The following ZC3H6 variants were observed in gnomAD, a reference collection of about 807,000 sequenced individuals.
ZC3H6 encodes the protein zinc finger CCCH-type containing 6.
ZC3H6 carries 40 observed loss-of-function variants against 107.7 expected under a neutral mutation model. The ratio of observed to expected loss-of-function variants is 0.37; its 90% CI spans 0.29 to 0.48. The LOEUF is 0.48. Ranked by LOEUF, ZC3H6 falls within the 20% of genes least tolerant of loss-of-function variation. The pLI is 0.98. For synonymous variants in ZC3H6, 493 were observed against 487.9 expected, an observed-to-expected ratio of 1.01 and a Z score of -0.14; for missense variants, 1,267 against 1,410.4, an observed-to-expected ratio of 0.90 and a Z score of 1.63.
chr2:112,291,138 C>A (rs188751901), intron 1 of ZC3H6, among the ~76,000 whole-genome samples: 17 of 152,222 alleles, frequency 1.1e-4, no homozygotes, highest in African/African-American at 3.6e-4. Context: ...TTCTGGCATA[C>A]CCTGTGTAAG....
At chr2:112,282,134 G>T (rs992110198) in intron 1 of ZC3H6, among the ~76,000 whole-genome samples, 1 of 152,182 alleles carries the variant, frequency 6.6e-6, no homozygotes, top group Non-Finnish European at 1.5e-5. Context: ...TTATTTAGGA[G>T]ATCTGCCTCA....
At chr2:112,329,362 G>C (rs1373951266) in intron 11 of ZC3H6, among the ~76,000 whole-genome samples, 1 of 152,118 alleles carries the variant, frequency 6.6e-6, no homozygotes, top group Non-Finnish European at 1.5e-5. Flanking sequence ...AGAAAGTAAG[G>C]ATAGAAGTAA....
At chr2:112,288,992 A>AC (rs1002611527) in intron 1 of ZC3H6, among the ~76,000 whole-genome samples, 14 of 126,902 alleles carry the variant, frequency 1.1e-4, no homozygotes, top group South Asian at 7.7e-4. Flanking sequence ...CTCACTGCCC[A>AC]CCCCCCCGCC....
intron 1 of ZC3H6, among the ~76,000 whole-genome samples, chr2:112,276,662 A>G (rs937113718): frequency 2.6e-5 from 4 of 152,082 alleles, no homozygotes; most frequent in South Asian, 2.1e-4. Flanking sequence ...GGCTAGCCCA[A>G]TTTTCTAGAT....
At chr2:112,327,702 G>C (rs1001856278) in intron 11 of ZC3H6, among the ~76,000 whole-genome samples, 5 of 152,074 alleles carry the variant, frequency 3.3e-5, no homozygotes, top group Non-Finnish European at 5.9e-5. Flanking sequence ...TGAGAGATAG[G>C]GGTCTAGTTT....
chr2:112,303,054 C>T (rs1016496723), intron 2 of ZC3H6, among the ~76,000 whole-genome samples, 175 bp from the exon 3 acceptor site: 7 of 151,944 alleles, frequency 4.6e-5, no homozygotes, highest in Non-Finnish European at 7.4e-5. Context: ...AAAACCTCAG[C>T]GAAGTTGGAA....
At position 112,332,130 on chromosome 2, in the gene ZC3H6, C is replaced by CA. The variant is rs1553496616; in HGVS notation, c.3215dup (p.Asn1073GlufsTer11). 2.5e-6 allele frequency: 4 copies of CA among 1,613,900 alleles called. No individual in the cohort carries two copies. The highest frequency in any genetic ancestry group is 1.7e-5 in the Admixed American group (1 of 60,000). On this transcript the variant is annotated frameshift_variant, in exon 12 of 12. Transcript: ENST00000409871. LOFTEE classifies it high-confidence loss of function. ...GCAACAGCTTCTTCAGGAGAAAACTCAAAGAACCAGAAAAAAAGTGGTGGC... is the reference window on the plus strand; with the variant it reads ...GCAACAGCTTCTTCAGGAGAAAACTCAAAAGAACCAGAAAAAAAGTGGTGGC...
Position 112,317,211 on chromosome 2 carries a change from T to TTTTTTTTG in ZC3H6, c.865-9_865-8insTTTTTTGT. 1.4e-6 allele frequency: 2 copies of TTTTTTTTG among 1,395,396 alleles called. No individual in the cohort carries two copies. Among genetic ancestry groups the TTTTTTTTG allele is most frequent in the Non-Finnish European group, 1.9e-6 (2 of 1,050,902 alleles). 86.4% of individuals were successfully genotyped at this position (1,395,396 alleles called of 1,614,324 possible). A position where few individuals can be genotyped will look rare whatever the true frequency, so the allele number is the denominator to read the frequency against. ...TTTTTCTTTTTTCTTTTTTTTTTTT[T>TTTTTTTTG]TGTGAATAGGGAGATCAGTGTAAAT... On this transcript the variant is annotated splice_polypyrimidine_tract_variant and intron_variant, in intron 6 of 11. Transcript: ENST00000409871.
chr2:112,324,685 A>G, intron 10 of ZC3H6, 22 bp downstream of exon 10: 1 of 1,532,936 alleles, frequency 6.5e-7, no homozygotes, highest in Non-Finnish European at 8.8e-7. Context: ...TTTTTGAAAT[A>G]ATTTATTCCT....
Position 112,292,546 on chromosome 2 carries a change from G to A in ZC3H6, c.33-7303G>A, listed in dbSNP as rs568006333. 2.0e-5 allele frequency among the ~76,000 whole-genome samples: 3 copies of A among 152,324 alleles called. No homozygotes were observed. In the East Asian group the frequency reaches 5.8e-4, roughly 29 times the overall value. The stretch of plus-strand genomic sequence containing the variant: ...ACCAAAGATTTCCTTATTTTGACCA[G>A]GAGGTCAGATCTCAAGGGTCCTTCT... On this transcript the variant is annotated intron_variant, in intron 1 of 11. Coordinates refer to ENST00000409871, the MANE Select transcript of ZC3H6 (RefSeq NM_198581.3).
intron 11 of ZC3H6, among the ~76,000 whole-genome samples, chr2:112,327,292 A>G (rs187327206): frequency 6.6e-6 from 1 of 152,144 alleles, no homozygotes; most frequent in South Asian, 2.1e-4. Context: ...GCACCTTTTC[A>G]TATCCCTGTG....
chr2:112,305,668 A>G (rs2104709174), intron 3 of ZC3H6, among the ~76,000 whole-genome samples: 1 of 152,290 alleles, frequency 6.6e-6, no homozygotes, highest in Non-Finnish European at 1.5e-5. Flanking sequence ...TTTTAGCCAG[A>G]CGCACTGCAT....
intron 3 of ZC3H6, among the ~76,000 whole-genome samples, chr2:112,306,451 G>A (rs1170348167): frequency 4.6e-5 from 7 of 152,126 alleles, no homozygotes; most frequent in African/African-American, 7.2e-5. Context: ...GGGATTATAG[G>A]CGTGAGCCAC....
At chr2:112,297,506 TA>T (rs1476800257) in intron 1 of ZC3H6, among the ~76,000 whole-genome samples, 1 of 152,254 alleles carries the variant, frequency 6.6e-6, no homozygotes, top group Non-Finnish European at 1.5e-5. Flanking sequence ...GATTAAATGT[TA>T]AAATTGTTTT....
At position 112,331,432 on chromosome 2, in the gene ZC3H6, A is replaced by T. The variant is rs775568748; in HGVS notation, c.2514A>T (p.Leu838Phe). The change falls in exon 12 of 12, where the codon TTA becomes TTT. Residue 838 changes from leucine to phenylalanine, a missense_variant. Physicochemically the swap from Leu to Phe is conservative, Grantham distance 22. Coordinates refer to ENST00000409871, the MANE Select transcript of ZC3H6 (RefSeq NM_198581.3). ...TERELREKAF[L>F]IPLDASPGIM... ...GAGAACTGAGAGAAAAAGCTTTCTT[A>T]ATACCTTTGGATGCCTCACCTGGCA... is the stretch of plus-strand genomic sequence containing the variant. The T allele has an allele frequency of 6.2e-7, 1 of 1,613,922 alleles. No individual in the cohort carries two copies. Among genetic ancestry groups the T allele is most frequent in the South Asian group, 1.1e-5 (1 of 91,068 alleles).
At chr2:112,316,772 C>T (rs1676705818) in intron 6 of ZC3H6, among the ~76,000 whole-genome samples, 186 bp downstream of exon 6, 1 of 152,098 alleles carries the variant, frequency 6.6e-6, no homozygotes, top group Non-Finnish European at 1.5e-5. Context: ...GGGACAATAA[C>T]ATAATTTGTT....
chr2:112,336,870 C>T lies in ZC3H6; in HGVS notation c.*4382C>T, dbSNP rs1051787603. On this transcript the variant is annotated 3_prime_UTR_variant, in exon 12 of 12. Transcript: ENST00000409871. ...TTTATGCTTTTGGAGACAGGACCCA[C>T]ATGTATCTCCTTATTTTTATACTTG... is the stretch of plus-strand genomic sequence containing the variant. The T allele has an allele frequency of 6.6e-6, 1 of 152,150 alleles. No homozygotes were observed. Among genetic ancestry groups the T allele is most frequent in the Non-Finnish European group, 1.5e-5 (1 of 68,030 alleles). The allele number at this position is 152,150 out of a possible 1,614,324, so 9.4% of individuals were successfully genotyped here.
rs142572879 is a variant in ZC3H6 at position 112,307,615 on chromosome 2, C to T, written c.337-2270C>T. On this transcript the variant is annotated intron_variant, in intron 3 of 11. Transcript: ENST00000409871. ...GAATATATGAACCACTCTAGAAAAGCGGGGCTGCTCTGTCACCCTTCATTC... is the reference window on the plus strand; with the variant it reads ...GAATATATGAACCACTCTAGAAAAGTGGGGCTGCTCTGTCACCCTTCATTC... Among the ~76,000 whole-genome samples the T allele has an allele frequency of 1.4e-3, 206 of 152,172 alleles. 1 individual carries two copies. Among genetic ancestry groups the T allele is most frequent in the South Asian group, 3.7e-3 (18 of 4,818 alleles).
In ZC3H6 at chr2:112,316,606, A is replaced by G. The variant is rs376005497; in HGVS notation, c.864+20A>G. ...ATTAAGGTAAATTTATAGAGGTATC[A>G]TAAGTCATTTTAACTTCCAAAATAA... On this transcript the variant is annotated intron_variant, in intron 6 of 11. Transcript: ENST00000409871. The G allele has an allele frequency of 2.0e-5, 29 of 1,455,122 alleles. No homozygotes were observed. The highest frequency in any genetic ancestry group is 2.3e-5 in the Admixed American group (1 of 43,018). 90.1% of individuals were successfully genotyped at this position (1,455,122 alleles called of 1,614,324 possible). A position where few individuals can be genotyped will look rare whatever the true frequency, so the allele number is the denominator to read the frequency against.
Sources: allele counts gnomAD v4.1 joint callset (sites outside exome capture counted in the v4.1 genomes callset), GRCh38; gene constraint gnomAD v4.1.1; transcripts MANE v1.5; gene names NCBI Gene and HGNC (gene_info 2026-07-23, HGNC 2026-07-21).